Variants in NMU observed in about 807,000 individuals in gnomAD.
NMU encodes neuromedin U, also known as neuromedin-U.
Under a neutral mutation model 35.4 loss-of-function variants are expected in NMU, and 29 were observed. The ratio of observed to expected loss-of-function variants is 0.82; its 90% CI spans 0.61 to 1.12. The LOEUF (loss-of-function observed/expected upper bound fraction) is 1.12. Among genes scored for constraint, NMU ranks in the 50% most tolerant of loss-of-function variants. The pLI, the probability that NMU is intolerant of heterozygous loss-of-function variation, is 0.00. For missense variants in NMU, 199 were observed against 206.2 expected (o/e 0.97, Z 0.21); for synonymous variants, 78 against 81.3 (o/e 0.96, Z 0.22).
intron 2 of NMU, among the ~76,000 whole-genome samples, chr4:55,619,749 AGACTTAAGTGTCCCT>A (rs1380840360): frequency 1.4e-5 from 2 of 144,656 alleles, no homozygotes; most frequent in Non-Finnish European, 3.0e-5. Context: ...TAACCTCTGC[AGACTTAAGTGTCCCT>A]GTCTGACAGC....
chr4:55,628,129 T>C (rs891204716), intron 2 of NMU, among the ~76,000 whole-genome samples: 5 of 152,162 alleles, frequency 3.3e-5, no homozygotes, highest in Non-Finnish European at 5.9e-5. Flanking sequence ...TTCATCTAAT[T>C]TCAAAATTAT....
chr4:55,634,421 C>T (rs540645813), intron 1 of NMU, among the ~76,000 whole-genome samples: 72 of 152,204 alleles, frequency 4.7e-4, no homozygotes, highest in African/African-American at 1.5e-3. Flanking sequence ...GTTTATGAGA[C>T]GATTGGTATG....
At chr4:55,596,443 A>G (rs1447272648) in intron 9 of NMU, among the ~76,000 whole-genome samples, 4 of 151,646 alleles carry the variant, frequency 2.6e-5, no homozygotes, top group Non-Finnish European at 5.9e-5. Context: ...ACTTATTTCA[A>G]TGTTACAATC....
chr4:55,600,025 C>A (rs757495372), intron 8 of NMU, among the ~76,000 whole-genome samples: 2 of 152,074 alleles, frequency 1.3e-5, no homozygotes, highest in Non-Finnish European at 2.9e-5. Flanking sequence ...CAAAGTGTAG[C>A]TGCCTAGAAA....
At chr4:55,609,069 G>T (rs1472077835) in intron 4 of NMU, 51 bp downstream of exon 4, 2 of 1,493,952 alleles carry the variant, frequency 1.3e-6, no homozygotes, top group African/African-American at 1.4e-5. Flanking sequence ...GAAATTCCAA[G>T]AAATTTTTGG....
intron 7 of NMU, among the ~76,000 whole-genome samples, chr4:55,601,301 A>G (rs917049469): frequency 1.3e-4 from 20 of 152,152 alleles, no homozygotes; most frequent in African/African-American, 4.8e-4. Flanking sequence ...TACCTATATC[A>G]TAAAAGCATT....
intron 3 of NMU, among the ~76,000 whole-genome samples, chr4:55,614,874 T>G (rs1734058459): frequency 6.6e-6 from 1 of 152,256 alleles, no homozygotes; most frequent in Non-Finnish European, 1.5e-5. Context: ...GCTCCTTGAA[T>G]AATTTGAAAT....
At chr4:55,602,521 A>T (rs1414992768) in intron 7 of NMU, among the ~76,000 whole-genome samples, 1 of 152,218 alleles carries the variant, frequency 6.6e-6, no homozygotes, top group East Asian at 1.9e-4. Flanking sequence ...ATACTGAGTG[A>T]TTAGCTTTGG....
At chr4:55,605,821 G>A (rs1025628155) in intron 6 of NMU, among the ~76,000 whole-genome samples, 4 of 152,260 alleles carry the variant, frequency 2.6e-5, no homozygotes, top group South Asian at 2.1e-4. Flanking sequence ...TACTTAAAAC[G>A]GAAACGTTGG....
intron 2 of NMU, among the ~76,000 whole-genome samples, chr4:55,625,169 T>TAAAAAAAAAAA (rs760890031): frequency 7.1e-5 from 7 of 98,334 alleles, no homozygotes; most frequent in Admixed American, 1.2e-4. Context: ...AAAGTATAAT[T>TAAAAAAAAAAA]AAAAAAAAAA....
At chr4:55,608,997 A>C in intron 4 of NMU, 123 bp downstream of exon 4, 1 of 787,158 alleles carries the variant, frequency 1.3e-6, no homozygotes. Context: ...ATCCAAAAAC[A>C]ATTTTTCCTC....
chr4:55,601,661 A>G (rs1306091628), intron 7 of NMU, among the ~76,000 whole-genome samples: 9 of 152,174 alleles, frequency 5.9e-5, no homozygotes, highest in South Asian at 2.1e-4. Context: ...AAAAATGTAC[A>G]CATATAAACC....
At chr4:55,611,612 A>ATCAT (rs1348618348) in intron 3 of NMU, among the ~76,000 whole-genome samples, 1 of 152,134 alleles carries the variant, frequency 6.6e-6, no homozygotes, top group Non-Finnish European at 1.5e-5. Context: ...ATACAAGTGT[A>ATCAT]TCATTTTTTA....
intron 2 of NMU, among the ~76,000 whole-genome samples, chr4:55,617,524 C>A (rs1413213001): frequency 6.6e-6 from 1 of 151,960 alleles, no homozygotes; most frequent in Non-Finnish European, 1.5e-5. Flanking sequence ...CACACACACA[C>A]AAACACACAC....
intron 2 of NMU, among the ~76,000 whole-genome samples, chr4:55,626,118 G>A (rs923792687): frequency 2.6e-5 from 4 of 152,170 alleles, no homozygotes; most frequent in African/African-American, 9.7e-5. Context: ...ATGAGAATTT[G>A]TAGACCCCAC....
In NMU at chr4:55,636,210, G is replaced by T; in HGVS notation, c.-18C>A. 6.8e-7 allele frequency: 1 copy of T among 1,476,114 alleles called. No homozygotes were observed. Among genetic ancestry groups the T allele is most frequent in the Non-Finnish European group, 8.9e-7 (1 of 1,122,752 alleles). 91.4% of individuals were successfully genotyped at this position (1,476,114 alleles called of 1,614,324 possible). On this transcript the variant is annotated 5_prime_UTR_variant, in exon 1 of 10. Coordinates refer to ENST00000264218, the MANE Select transcript of NMU (RefSeq NM_006681.4). This position sits in a 1 kb window ranked among gnomAD's most constrained non-coding sequence, Gnocchi z 4.0. ...CGCAGCATCTCGGCGGCTGCGGGAG[G>T]CTCGGTGCTAGGGACGCTGCGCTGC... is the stretch of plus-strand genomic sequence containing the variant.
In NMU at chr4:55,607,062, T is replaced by C. The variant is rs141829642; in HGVS notation, c.360+236A>G. On this transcript the variant is annotated intron_variant, in intron 6 of 9. Coordinates refer to ENST00000264218, the MANE Select transcript of NMU (RefSeq NM_006681.4). The stretch of plus-strand genomic sequence containing the variant: ...TGCCTGGCACATAGCATATAGCTAA[T>C]ACTTTGTAAATAACTGTTAAATGAA... Among the ~76,000 whole-genome samples the C allele has an allele frequency of 9.5e-3, 1,441 of 152,334 alleles. 30 individuals carry two copies. The highest frequency in any genetic ancestry group is 0.031 in the African/African-American group (1,284 of 41,574).
At chr4:55,601,578 A>G (rs1733425178) in intron 7 of NMU, among the ~76,000 whole-genome samples, 1 of 152,190 alleles carries the variant, frequency 6.6e-6, no homozygotes, top group Admixed American at 6.5e-5. Flanking sequence ...TATCACATGT[A>G]CCCCCAAAAT....
rs778110735 is a variant in NMU at position 55,607,422 on chromosome 4, T to C, written c.309+15A>G. ...TATTATTTTATAAGGTATAGATGTATGAAAATCATCTTACCCTTTTAGTAT... is the reference window on the plus strand; with the variant it reads ...TATTATTTTATAAGGTATAGATGTACGAAAATCATCTTACCCTTTTAGTAT... On this transcript the variant is annotated intron_variant, in intron 5 of 9. Transcript: ENST00000264218. 9 of 1,154,768 alleles carry C rather than the reference T, an allele frequency of 7.8e-6. No individual in the cohort carries two copies. In the African/African-American group the frequency reaches 9.2e-5, roughly 12 times the overall value. 71.5% of individuals were successfully genotyped at this position (1,154,768 alleles called of 1,614,324 possible). A position where few individuals can be genotyped will look rare whatever the true frequency, so the allele number is the denominator to read the frequency against.
Sources: allele counts gnomAD v4.1 joint callset (sites outside exome capture counted in the v4.1 genomes callset), GRCh38; gene constraint gnomAD v4.1.1; non-coding constraint Gnocchi (gnomAD v3.1); transcripts MANE v1.5; gene names NCBI Gene and HGNC (gene_info 2026-07-23, HGNC 2026-07-21).